CAMSAP1: variants seen among roughly 807,000 people sequenced by gnomAD.
CAMSAP1 encodes the protein calmodulin-regulated spectrin-associated protein 1.
Under a neutral mutation model 143.5 loss-of-function variants are expected in CAMSAP1, and 58 were observed. The observed-to-expected ratio is 0.40, with a 90% CI of 0.33 to 0.50. CAMSAP1 has a LOEUF of 0.50. CAMSAP1 is among the 20% of genes least tolerant of loss of function. The pLI is 0.45. For missense variants in CAMSAP1, 1,969 were observed against 2,115.7 expected (o/e 0.93, Z 1.36); for synonymous variants, 945 against 859.3 (o/e 1.10, Z -1.74).
In CAMSAP1 at chr9:135,824,607, G is replaced by T. The variant is rs1411999289; in HGVS notation, c.1315+182C>A. Among the ~76,000 whole-genome samples, 1 of 152,214 alleles carries T rather than the reference G, an allele frequency of 6.6e-6. No homozygotes were observed. The highest frequency in any genetic ancestry group is 1.5e-5 in the Non-Finnish European group (1 of 68,040). ...TTGAACCAGGGAGTCAGAGGCTGCA[G>T]TGAGCCGAGATCGCGCCACAGCACT... On this transcript the variant is annotated intron_variant, in intron 9 of 16. Coordinates refer to ENST00000389532, the MANE Select transcript of CAMSAP1 (RefSeq NM_015447.4). The surrounding 1 kb of genome is among the most constrained non-coding windows in gnomAD (Gnocchi z 4.1).
chr9:135,882,734 C>A lies in CAMSAP1; in HGVS notation c.423+82G>T. 1 of 1,471,750 alleles carries A rather than the reference C, an allele frequency of 6.8e-7. No homozygotes were observed. The highest frequency in any genetic ancestry group is 1.3e-5 in the South Asian group (1 of 75,590). The allele number at this position is 1,471,750 out of a possible 1,614,324, so 91.2% of individuals were successfully genotyped here. On this transcript the variant is annotated intron_variant, in intron 2 of 16. Transcript: ENST00000389532. The surrounding 1 kb of genome is among the most constrained non-coding windows in gnomAD (Gnocchi z 4.9). The stretch of plus-strand genomic sequence containing the variant: ...CACCTCGCCGCACACCGTGTTCACA[C>A]CATCCATGCACCAGGTGCGCCACAC...
chr9:135,824,128 C>CA lies in CAMSAP1; in HGVS notation c.1316-95dup. The CA allele has an allele frequency of 1.9e-6, 2 of 1,054,854 alleles. No individual in the cohort carries two copies. The highest frequency in any genetic ancestry group is 2.7e-5 in the South Asian group (2 of 73,508). 65.3% of individuals were successfully genotyped at this position (1,054,854 alleles called of 1,614,324 possible). Reference sequence around the variant, plus strand: ...ACCATTTGTCCAGAAAAATGCCTCTCAAGTCAGTACACCAGAAGGGCCGCA... The same window carrying CA: ...ACCATTTGTCCAGAAAAATGCCTCTCAAAGTCAGTACACCAGAAGGGCCGCA... On this transcript the variant is annotated intron_variant, in intron 9 of 16. Transcript: ENST00000389532. The surrounding 1 kb of genome is among the most constrained non-coding windows in gnomAD (Gnocchi z 4.1).
intron 5 of CAMSAP1, among the ~76,000 whole-genome samples, chr9:135,856,018 C>T (rs1428329259): frequency 6.6e-6 from 1 of 152,142 alleles, no homozygotes; most frequent in Non-Finnish European, 1.5e-5. Context: ...TACCACTGCA[C>T]TCCAGCATAG....
Position 135,821,946 on chromosome 9 carries a change from C to A in CAMSAP1, c.2715G>T (p.Arg905Ser), listed in dbSNP as rs1835481382. The A allele has an allele frequency of 6.2e-7, 1 of 1,612,564 alleles. No individual in the cohort carries two copies. ...QKKKMEALSA[R>S]QRLKLGKAAF... ...CAGCCTTGCCGAGCTTCAGGCGCTGCCTTGCCGACAGCGCCTCCATCTTCT... is the reference window on the plus strand; with the variant it reads ...CAGCCTTGCCGAGCTTCAGGCGCTGACTTGCCGACAGCGCCTCCATCTTCT... The change falls in exon 11 of 17, where the codon AGG (arginine) becomes AGT (serine). Residue 905 changes from arginine (R) to serine (S), a missense_variant. Transcript: ENST00000389532. The surrounding 1 kb of genome is among the most constrained non-coding windows in gnomAD (Gnocchi z 4.6).
At chr9:135,880,460 G>T (rs897870800) in intron 3 of CAMSAP1, among the ~76,000 whole-genome samples, 1 of 152,106 alleles carries the variant, frequency 6.6e-6, no homozygotes, top group Non-Finnish European at 1.5e-5. Context: ...CTACCTCACC[G>T]CAGGATAAGG....
At chr9:135,887,395 C>T (rs1309632950) in intron 1 of CAMSAP1, among the ~76,000 whole-genome samples, 1 of 152,154 alleles carries the variant, frequency 6.6e-6, no homozygotes, top group Non-Finnish European at 1.5e-5. Flanking sequence ...AAGAGACAGC[C>T]GCAGGCACAG....
chr9:135,894,918 T>G (rs1419968688), intron 1 of CAMSAP1, among the ~76,000 whole-genome samples: 16 of 152,188 alleles, frequency 1.1e-4, no homozygotes, highest in Admixed American at 9.8e-4. Context: ...AAAATTCTGG[T>G]AATGAGAGCC....
intron 1 of CAMSAP1, among the ~76,000 whole-genome samples, chr9:135,902,047 C>T (rs1838633870): frequency 6.6e-6 from 1 of 152,156 alleles, no homozygotes; most frequent in South Asian, 2.1e-4. Context: ...CAACCATAAT[C>T]CCTGGCCTCA....
chr9:135,906,930 G>A lies in CAMSAP1; in HGVS notation c.160+70C>T, dbSNP rs934880846. 109 of 877,516 alleles carry A rather than the reference G, an allele frequency of 1.2e-4. No homozygotes were observed. The African/African-American group carries it at 1.9e-3, about 15-fold the overall frequency. 54.4% of individuals were successfully genotyped at this position (877,516 alleles called of 1,614,324 possible). ...CGGCGCGCGGACCCCGACCCGGCCG[G>A]ACCCCGGCCGCGTCCCCCGGCCCCG... On this transcript the variant is annotated intron_variant, in intron 1 of 16. Coordinates refer to ENST00000389532, the MANE Select transcript of CAMSAP1 (RefSeq NM_015447.4).
At chr9:135,906,620 T>C (rs947925958) in intron 1 of CAMSAP1, among the ~76,000 whole-genome samples, 1 of 152,348 alleles carries the variant, frequency 6.6e-6, no homozygotes, top group South Asian at 2.1e-4. Context: ...CACTGGACGA[T>C]GCCCGGCGCG....
Position 135,882,239 on chromosome 9 carries a change from G to C in CAMSAP1, c.424-445C>G, listed in dbSNP as rs964114086. On this transcript the variant is annotated intron_variant, in intron 2 of 16. Coordinates refer to ENST00000389532, the MANE Select transcript of CAMSAP1 (RefSeq NM_015447.4). This position sits in a 1 kb window ranked among gnomAD's most constrained non-coding sequence, Gnocchi z 4.9. Reference sequence around the variant, plus strand: ...CCTGCTACAGCTGCACCACGCCTTAGTGCAGCTTCCTCATTCGACAGGAAT... The same window carrying C: ...CCTGCTACAGCTGCACCACGCCTTACTGCAGCTTCCTCATTCGACAGGAAT... Among the ~76,000 whole-genome samples, 1 of 152,196 alleles carries C rather than the reference G, an allele frequency of 6.6e-6. No individual in the cohort carries two copies. Among genetic ancestry groups the C allele is most frequent in the Non-Finnish European group, 1.5e-5 (1 of 68,034 alleles).
At chr9:135,814,193 C>T (rs1261090675) in intron 16 of CAMSAP1, among the ~76,000 whole-genome samples, 2 of 152,322 alleles carry the variant, frequency 1.3e-5, no homozygotes, top group African/African-American at 4.8e-5. Flanking sequence ...TAGGTCGGGG[C>T]CATTCTTAGT....
intron 5 of CAMSAP1, among the ~76,000 whole-genome samples, chr9:135,860,900 G>A (rs772580851): frequency 4.6e-5 from 7 of 152,326 alleles, no homozygotes; most frequent in East Asian, 3.9e-4. Flanking sequence ...CAGCCAAGCT[G>A]TGCTTTATCC....
chr9:135,860,465 G>C (rs1360578785), intron 5 of CAMSAP1, among the ~76,000 whole-genome samples: 1 of 151,954 alleles, frequency 6.6e-6, no homozygotes, highest in East Asian at 1.9e-4. Flanking sequence ...GGGTGTGGTG[G>C]TGGACACCTG....
chr9:135,845,811 G>A (rs2130888059), intron 7 of CAMSAP1, among the ~76,000 whole-genome samples: 1 of 152,254 alleles, frequency 6.6e-6, no homozygotes, highest in South Asian at 2.1e-4. Context: ...ACTTACAAGG[G>A]CTGTGAAGGA....
At chr9:135,873,213 C>T (rs1837624401) in intron 3 of CAMSAP1, among the ~76,000 whole-genome samples, 1 of 152,132 alleles carries the variant, frequency 6.6e-6, no homozygotes, top group South Asian at 2.1e-4. Flanking sequence ...AATTAAACAT[C>T]TGACTTCTAG....
Position 135,819,059 on chromosome 9 carries a change from G to C in CAMSAP1, c.3910C>G (p.Arg1304Gly). ...ACCTCCGCTTCCAGCTGCTGCTTGC[G>C]CACGCGGGCCTCCTCGGCCTTGCGC... Reference protein sequence around the residue: ...QQRKAEEARVRKQQLEAEVEL... With the variant: ...QQRKAEEARVGKQQLEAEVEL... The change falls in exon 12 of 17, where the codon CGC becomes GGC. Residue 1304 changes from arginine to glycine, a missense_variant. Physicochemically the swap from Arg to Gly is moderately radical, Grantham distance 125. Transcript: ENST00000389532. 1 of 1,605,958 alleles carries C rather than the reference G, an allele frequency of 6.2e-7. No individual in the cohort carries two copies. Among genetic ancestry groups the C allele is most frequent in the Non-Finnish European group, 8.5e-7 (1 of 1,178,066 alleles).
rs967918611 is a variant in CAMSAP1 at position 135,874,483 on chromosome 9, G to GA, written c.585+7149_585+7150insT. ...GTGAGACCCTGTCTCAAAAAAGGGG[G>GA]GGGGGGGCCACAGGGGCCGGGAACT... On this transcript the variant is annotated intron_variant, in intron 3 of 16. Transcript: ENST00000389532. Among the ~76,000 whole-genome samples the GA allele has an allele frequency of 1.3e-4, 20 of 150,132 alleles. No homozygotes were observed. The East Asian group carries it at 3.7e-3, about 28-fold the overall frequency.
Position 135,810,790 on chromosome 9 carries a change from T to C in CAMSAP1, c.*519A>G, listed in dbSNP as rs1039784857. On this transcript the variant is annotated 3_prime_UTR_variant, in exon 17 of 17. Transcript: ENST00000389532. ...ATACAATTTCTCAAATGAAAAAGAT[T>C]TCCCATTATGAATTCCTTTGCTATA... 1 of 153,500 alleles carries C rather than the reference T, an allele frequency of 6.5e-6. No individual in the cohort carries two copies. Among genetic ancestry groups the C allele is most frequent in the Non-Finnish European group, 1.5e-5 (1 of 68,662 alleles). 9.5% of individuals were successfully genotyped at this position (153,500 alleles called of 1,614,324 possible).
Sources: allele counts gnomAD v4.1 joint callset (sites outside exome capture counted in the v4.1 genomes callset), GRCh38; gene constraint gnomAD v4.1.1; non-coding constraint Gnocchi (gnomAD v3.1); transcripts MANE v1.5; gene names NCBI Gene and HGNC (gene_info 2026-07-23, HGNC 2026-07-21).